Variants in NF1 observed in about 807,000 individuals in gnomAD.
NF1 encodes the protein neurofibromin 1, also known as neurofibromin.
A neutral mutation model predicts 325.7 loss-of-function variants in NF1; 122 were observed. That is an observed-to-expected ratio of 0.37 (90% CI 0.32 to 0.44). The LOEUF (loss-of-function observed/expected upper bound fraction) is 0.44, where lower values mean the gene tolerates loss of function less well. Ranked by LOEUF, NF1 falls within the 20% of genes least tolerant of loss-of-function variation. The probability of loss-of-function intolerance (pLI) is 1.00; values close to 1 mark genes in which losing one functional copy is unlikely to be tolerated. For synonymous variants in NF1, 1,091 were observed against 1,186.0 expected (o/e 0.92, Z 1.65); for missense variants, 2,140 against 3,415.4 (o/e 0.63, Z 9.31).
intron 5 of NF1, among the ~76,000 whole-genome samples, chr17:31,171,008 G>A (rs1169305630): frequency 6.6e-6 from 1 of 152,084 alleles, no homozygotes; most frequent in Non-Finnish European, 1.5e-5. Context: ...AGAAACATCA[G>A]TTCTGCAATG....
At chr17:31,325,297 G>A (rs571489466) in intron 36 of NF1, among the ~76,000 whole-genome samples, 2 of 152,234 alleles carry the variant, frequency 1.3e-5, no homozygotes, top group East Asian at 1.9e-4. Context: ...CTAGGGCTAC[G>A]TATTCCCTTG....
intron 2 of NF1, among the ~76,000 whole-genome samples, chr17:31,156,525 G>T (rs1415964429): frequency 6.6e-6 from 1 of 152,060 alleles, no homozygotes; most frequent in African/African-American, 2.4e-5. Context: ...TTTACTTACG[G>T]TTGTCCCAGC....
Position 31,351,563 on chromosome 17 carries a change from C to T in NF1, c.7458-694C>T, listed in dbSNP as rs1031605251. Among the ~76,000 whole-genome samples, 7 of 152,168 alleles carry T rather than the reference C, an allele frequency of 4.6e-5. No homozygotes were observed. The East Asian group carries it at 7.7e-4, about 17-fold the overall frequency. On this transcript the variant is annotated intron_variant, in intron 50 of 57. Coordinates refer to ENST00000358273, the MANE Select transcript of NF1 (RefSeq NM_001042492.3). ...TCCCGAGTAGCTGGGATTACAGGCG[C>T]GTGCCACCATGCCCAGCTAATTTTT...
At chr17:31,282,765 T>A (rs901070225) in intron 36 of NF1, among the ~76,000 whole-genome samples, 1 of 152,234 alleles carries the variant, frequency 6.6e-6, no homozygotes, top group Admixed American at 6.5e-5. Context: ...TGCATTCAGT[T>A]TTTTTAGATA....
At chr17:31,173,254 C>T (rs1478949196) in intron 5 of NF1, among the ~76,000 whole-genome samples, 2 of 151,982 alleles carry the variant, frequency 1.3e-5, no homozygotes, top group Non-Finnish European at 2.9e-5. Flanking sequence ...ACTAGAAATA[C>T]AAAAAATTAG....
chr17:31,239,103 A>G (rs1005665493), intron 29 of NF1, among the ~76,000 whole-genome samples: 7 of 152,252 alleles, frequency 4.6e-5, no homozygotes, highest in Non-Finnish European at 1.0e-4. Flanking sequence ...AATCAGACTC[A>G]GATGTGGCAA....
chr17:31,110,444 T>C (rs562435534), intron 1 of NF1, among the ~76,000 whole-genome samples: 1 of 152,282 alleles, frequency 6.6e-6, no homozygotes, highest in South Asian at 2.1e-4. Flanking sequence ...CCAGTTCAAT[T>C]CCTGATTGGA....
intron 57 of NF1, among the ~76,000 whole-genome samples, chr17:31,365,959 G>C (rs1013755953): frequency 6.8e-6 from 1 of 146,862 alleles, no homozygotes; most frequent in Non-Finnish European, 1.5e-5. Context: ...TTTTGAGATG[G>C]AGTCTTGCTC....
At chr17:31,172,731 T>C (rs968790333) in intron 5 of NF1, among the ~76,000 whole-genome samples, 1 of 152,164 alleles carries the variant, frequency 6.6e-6, no homozygotes, top group East Asian at 1.9e-4. Context: ...GCTGCACTGT[T>C]GTGCTTATGA....
At chr17:31,180,150 C>T (rs1011652680) in intron 5 of NF1, among the ~76,000 whole-genome samples, 11 of 152,196 alleles carry the variant, frequency 7.2e-5, no homozygotes, top group Non-Finnish European at 1.3e-4. Context: ...GATGGATTCA[C>T]AGCCAGATTC....
At position 31,336,662 on chromosome 17, in the gene NF1, G is replaced by A. The variant is rs761029453; in HGVS notation, c.6175G>A (p.Asp2059Asn). 1.2e-6 allele frequency: 2 copies of A among 1,611,696 alleles called. No individual in the cohort carries two copies. Among genetic ancestry groups the A allele is most frequent in the Admixed American group, 3.3e-5 (2 of 59,818 alleles). ...KVIGRMCKII[D>N]KTCLSPTPTL... is the part of the protein sequence containing the mutation. ...TATTGGAAGGATGTGCAAAATAATT[G>A]ACAAGACATGCTTATCTCCAACTCC... Residue 2059 changes from aspartate to asparagine, a missense_variant, in exon 42 of 58, where the codon GAC (aspartate) becomes AAC (asparagine). This residue lies in a region of NF1 where 180 missense variants were observed against 435.1 expected (regional missense o/e 0.41). Transcript: ENST00000358273. The surrounding 1 kb of genome is among the most constrained non-coding windows in gnomAD (Gnocchi z 5.5).
intron 12 of NF1, among the ~76,000 whole-genome samples, chr17:31,207,976 A>G (rs1180507887): frequency 6.6e-6 from 1 of 152,168 alleles, no homozygotes; most frequent in Non-Finnish European, 1.5e-5. Flanking sequence ...ATTTTCTGTG[A>G]ATAAGGACTA....
intron 13 of NF1, among the ~76,000 whole-genome samples, chr17:31,214,912 G>A (rs2066794393): frequency 6.6e-6 from 1 of 151,932 alleles, no homozygotes; most frequent in Non-Finnish European, 1.5e-5. Context: ...CTGGTATGGG[G>A]GATAGAAGTG....
chr17:31,232,947 A>G (rs975166267), intron 26 of NF1, 55 bp from the exon 27 acceptor site: 42 of 1,613,744 alleles, frequency 2.6e-5, no homozygotes, highest in Non-Finnish European at 8.5e-6. Flanking sequence ...AAGAGAAGCA[A>G]AAATTACTTC....
intron 1 of NF1, among the ~76,000 whole-genome samples, chr17:31,115,759 A>G (rs1233633687): frequency 6.6e-6 from 1 of 152,188 alleles, no homozygotes; most frequent in Admixed American, 6.5e-5. Context: ...ATGATGAACA[A>G]GGTGTCGCCC....
At chr17:31,207,405 C>A (rs1352987046) in intron 12 of NF1, among the ~76,000 whole-genome samples, 1 of 152,004 alleles carries the variant, frequency 6.6e-6, no homozygotes, top group East Asian at 1.9e-4. Context: ...TTTCCAAGTC[C>A]CCTTAGTCAG....
chr17:31,157,707 C>G (rs781420475), intron 2 of NF1, among the ~76,000 whole-genome samples: 3 of 151,678 alleles, frequency 2.0e-5, no homozygotes, highest in Non-Finnish European at 2.9e-5. Flanking sequence ...CGCCTGTAAT[C>G]CCAGCACTTT....
At chr17:31,287,304 A>G (rs776569711) in intron 36 of NF1, among the ~76,000 whole-genome samples, 2 of 152,226 alleles carry the variant, frequency 1.3e-5, no homozygotes, top group African/African-American at 2.4e-5. Flanking sequence ...GTTTTAATCT[A>G]TTCCTTAAAA....
intron 5 of NF1, among the ~76,000 whole-genome samples, chr17:31,170,876 C>G (rs767133828): frequency 3.6e-4 from 55 of 152,192 alleles, no homozygotes; most frequent in South Asian, 1.0e-3. Context: ...TTATTAGACC[C>G]TGGCTAATTT....
Sources: allele counts gnomAD v4.1 joint callset (sites outside exome capture counted in the v4.1 genomes callset), GRCh38; gene constraint gnomAD v4.1.1; regional missense constraint gnomAD v4.1.1; non-coding constraint Gnocchi (gnomAD v3.1); transcripts MANE v1.5; gene names NCBI Gene and HGNC (gene_info 2026-07-23, HGNC 2026-07-21).